The following RTN4RL1 variants were observed in gnomAD, a reference collection of about 807,000 sequenced individuals.
The protein encoded by RTN4RL1 is reticulon 4 receptor like 1, also known as reticulon-4 receptor-like 1.
Under a neutral mutation model 25.6 loss-of-function variants are expected in RTN4RL1, and 7 were observed. That is an observed-to-expected ratio of 0.27 (90% CI 0.16 to 0.51). The LOEUF (loss-of-function observed/expected upper bound fraction) is 0.51. RTN4RL1 is among the 20% of genes least tolerant of loss of function. The pLI is 0.97. For synonymous variants in RTN4RL1, 297 were observed against 288.2 expected (o/e 1.03, Z -0.31); for missense variants, 500 against 615.6 (o/e 0.81, Z 1.99).
At chr17:1,947,561 C>T (rs1204959433) in intron 1 of RTN4RL1, among the ~76,000 whole-genome samples, 2 of 152,238 alleles carry the variant, frequency 1.3e-5, no homozygotes, top group African/African-American at 4.8e-5. Flanking sequence ...GGATCGCTCT[C>T]AGCTGAGAAG....
At chr17:2,011,922 G>A (rs949505858) in intron 1 of RTN4RL1, among the ~76,000 whole-genome samples, 18 of 152,230 alleles carry the variant, frequency 1.2e-4, no homozygotes, top group African/African-American at 3.9e-4. Flanking sequence ...GCCCCTCCTC[G>A]CTTGGGGAGA....
intron 1 of RTN4RL1, among the ~76,000 whole-genome samples, chr17:1,959,088 C>G (rs1487882251): frequency 6.6e-6 from 1 of 152,246 alleles, no homozygotes; most frequent in Non-Finnish European, 1.5e-5. Flanking sequence ...CGGCCTCCAC[C>G]TGACAATGGC....
At chr17:1,987,373 T>C (rs1245999852) in intron 1 of RTN4RL1, among the ~76,000 whole-genome samples, 2 of 152,096 alleles carry the variant, frequency 1.3e-5, no homozygotes, top group Non-Finnish European at 2.9e-5. Flanking sequence ...GAAGTTCTCC[T>C]TTTCCGGGAG....
intron 1 of RTN4RL1, among the ~76,000 whole-genome samples, chr17:1,947,950 G>C (rs533934404): frequency 6.6e-6 from 1 of 152,138 alleles, no homozygotes; most frequent in South Asian, 2.1e-4. Flanking sequence ...CTGGTTGTAC[G>C]GGTGGCCCTC....
At chr17:1,987,999 G>A (rs548080265) in intron 1 of RTN4RL1, among the ~76,000 whole-genome samples, 2 of 151,930 alleles carry the variant, frequency 1.3e-5, no homozygotes, top group African/African-American at 2.4e-5. Flanking sequence ...CCAGCTACTC[G>A]GGAGGCTGAG....
chr17:1,961,773 C>CAAAAAAAAAAAAAAA (rs1163170575), intron 1 of RTN4RL1, among the ~76,000 whole-genome samples: 16 of 55,596 alleles, frequency 2.9e-4, no homozygotes, highest in African/African-American at 7.5e-4. Flanking sequence ...ACTAAAAATA[C>CAAAAAAAAAAAAAAA]AAAAAAAAAA....
intron 1 of RTN4RL1, among the ~76,000 whole-genome samples, chr17:2,012,366 C>G (rs527493743): frequency 2.0e-5 from 3 of 152,202 alleles, no homozygotes; most frequent in African/African-American, 7.2e-5. Flanking sequence ...TGCGGTGAGG[C>G]GGCCCTAAGG....
intron 1 of RTN4RL1, among the ~76,000 whole-genome samples, chr17:1,968,489 C>T (rs1314610770): frequency 1.3e-5 from 2 of 152,198 alleles, no homozygotes; most frequent in Non-Finnish European, 2.9e-5. Flanking sequence ...AAACTCAGCT[C>T]CGATGGTGTC....
intron 1 of RTN4RL1, among the ~76,000 whole-genome samples, chr17:1,997,796 G>C (rs185525934): frequency 6.6e-6 from 1 of 152,356 alleles, no homozygotes; most frequent in Non-Finnish European, 1.5e-5. Context: ...CTGAGCCGGG[G>C]CTGGGAGGTC....
At chr17:1,991,893 T>A (rs2066910494) in intron 1 of RTN4RL1, among the ~76,000 whole-genome samples, 5 of 152,170 alleles carry the variant, frequency 3.3e-5, no homozygotes, top group African/African-American at 1.2e-4. Flanking sequence ...GGAAGTGGAA[T>A]TGCTCTATTT....
At position 1,937,192 on chromosome 17, in the gene RTN4RL1, C is replaced by G. The variant is rs2151303609; in HGVS notation, c.630G>C (p.Gln210His). 1.2e-6 allele frequency: 2 copies of G among 1,612,598 alleles called. No individual in the cohort carries two copies. Among genetic ancestry groups the G allele is most frequent in the Non-Finnish European group, 1.7e-6 (2 of 1,179,802 alleles). Reference protein sequence around the residue: ...DRLLLHENQLQWVHHKAFHDL... With the variant: ...DRLLLHENQLHWVHHKAFHDL... Reference sequence around the variant, plus strand: ...CGTGGAACGCCTTGTGGTGGACCCACTGCAGCTGGTTCTCGTGCAGCAAAA... The same window carrying G: ...CGTGGAACGCCTTGTGGTGGACCCAGTGCAGCTGGTTCTCGTGCAGCAAAA... Residue 210 changes from glutamine (Q) to histidine (H), a missense_variant, in exon 2 of 2, where the codon CAG becomes CAC. By Grantham distance (24) the Gln-to-His change is conservative. This residue lies in a region of RTN4RL1 where 232 missense variants were observed against 341.1 expected (regional missense o/e 0.68). Transcript: ENST00000331238.
At chr17:1,977,179 A>G (rs2066845873) in intron 1 of RTN4RL1, among the ~76,000 whole-genome samples, 1 of 152,246 alleles carries the variant, frequency 6.6e-6, no homozygotes, top group South Asian at 2.1e-4. Flanking sequence ...CAATCTACGG[A>G]AGAAAACAGA....
rs1156399252 is a variant in RTN4RL1, at chr17:1,986,511, A to G, written c.13+38342T>C. Among the ~76,000 whole-genome samples the G allele has an allele frequency of 2.6e-5, 4 of 152,134 alleles. No homozygotes were observed. The East Asian group carries it at 7.7e-4, about 29-fold the overall frequency. ...ATTACCCCAAAGGGCCATAAATGCA[A>G]TGACAAATTTCCTTATAAGAGACAG... On this transcript the variant is annotated intron_variant, in intron 1 of 1. Transcript: ENST00000331238.
intron 1 of RTN4RL1, among the ~76,000 whole-genome samples, chr17:1,970,348 G>C (rs2066813091): frequency 6.6e-6 from 1 of 152,126 alleles, no homozygotes; most frequent in South Asian, 2.1e-4. Context: ...TGTGGTCTCT[G>C]TGCACGATCT....
At chr17:2,001,893 C>G in intron 1 of RTN4RL1, among the ~76,000 whole-genome samples, 1 of 147,908 alleles carries the variant, frequency 6.8e-6, no homozygotes, top group Non-Finnish European at 1.5e-5. Context: ...CCCCCCGTCC[C>G]CGGCTCCCCT....
chr17:1,956,738 CTTTT>C (rs35830030), intron 1 of RTN4RL1, among the ~76,000 whole-genome samples: 60,225 of 132,218 alleles, frequency 0.46, 14,156 homozygotes, highest in Middle Eastern at 0.57. Context: ...CTGTCGGGAA[CTTTT>C]TTTTTTTTTT....
intron 1 of RTN4RL1, among the ~76,000 whole-genome samples, chr17:1,970,223 G>A (rs1209095843): frequency 6.6e-6 from 1 of 152,078 alleles, no homozygotes; most frequent in Non-Finnish European, 1.5e-5. Context: ...GTTTGACCGT[G>A]TTGGTCATGC....
At chr17:1,967,076 G>T (rs1250838007) in intron 1 of RTN4RL1, among the ~76,000 whole-genome samples, 1 of 151,592 alleles carries the variant, frequency 6.6e-6, no homozygotes, top group Non-Finnish European at 1.5e-5. Context: ...AGAGGCTAAA[G>T]TGGGCAGGGA....
intron 1 of RTN4RL1, among the ~76,000 whole-genome samples, chr17:2,002,483 G>A (rs1011817801): frequency 1.3e-5 from 2 of 150,420 alleles, no homozygotes; most frequent in Non-Finnish European, 1.5e-5. Context: ...TAGTACAGAT[G>A]GGGTTTCACC....
Sources: gnomAD v4.1 joint callset for allele counts (sites outside exome capture counted in the v4.1 genomes callset) on GRCh38, gnomAD v4.1.1 for gene constraint, gnomAD v4.1.1 regional missense constraint, MANE v1.5 for transcripts, NCBI Gene and HGNC (gene_info 2026-07-23, HGNC 2026-07-21) for gene names.